SNX6: variants seen among roughly 807,000 people sequenced by gnomAD.
The protein encoded by SNX6 is sorting nexin-6.
A neutral mutation model predicts 63.0 loss-of-function variants in SNX6; 34 were observed. The ratio of observed to expected loss-of-function variants is 0.54; its 90% CI spans 0.41 to 0.72. The LOEUF is 0.72. Ranked by LOEUF, SNX6 falls within the 30% of genes least tolerant of loss-of-function variation. SNX6 has a pLI of 0.00. For synonymous variants in SNX6, 170 were observed against 164.2 expected (o/e 1.04, Z -0.27); for missense variants, 398 against 471.4 (o/e 0.84, Z 1.44).
At chr14:34,593,862 C>A (rs1594722603) in intron 7 of SNX6, among the ~76,000 whole-genome samples, 1 of 151,404 alleles carries the variant, frequency 6.6e-6, no homozygotes, top group Non-Finnish European at 1.5e-5. Context: ...ACAGATGTGA[C>A]CCACCACGCC....
At chr14:34,601,751 T>C (rs1432055279) in intron 6 of SNX6, among the ~76,000 whole-genome samples, 2 of 150,942 alleles carry the variant, frequency 1.3e-5, no homozygotes, top group African/African-American at 4.9e-5. Context: ...CCCACCACCA[T>C]GCCCAGATAA....
chr14:34,598,526 G>A (rs1198785211), intron 6 of SNX6, among the ~76,000 whole-genome samples: 1 of 152,132 alleles, frequency 6.6e-6, no homozygotes, highest in African/African-American at 2.4e-5. Flanking sequence ...CGAGTAGCTG[G>A]GACCACAGGC....
chr14:34,616,695 A>C (rs1346388223), intron 2 of SNX6, among the ~76,000 whole-genome samples: 23 of 152,082 alleles, frequency 1.5e-4, no homozygotes, highest in Admixed American at 1.5e-3. Flanking sequence ...GTCCAGGCAG[A>C]TTTTCTTCTC....
chr14:34,581,580 T>C lies in SNX6; in HGVS notation c.815A>G (p.Glu272Gly). Residue 272 changes from glutamate (E) to glycine (G), a missense_variant, in exon 10 of 14, where the codon GAA (glutamate) becomes GGA (glycine). Glu to Gly is a moderately conservative substitution (Grantham distance 98). Transcript: ENST00000362031. Reference sequence around the variant, plus strand: ...ACTTACTCTTGTTTTATCGAACAGTTCTGAAACTTTGAGAAAAAACCTGGA... The same window carrying C: ...ACTTACTCTTGTTTTATCGAACAGTCCTGAAACTTTGAGAAAAAACCTGGA... ...DICKFFLKVS[E>G]LFDKTRKIEA... The C allele has an allele frequency of 6.8e-7, 1 of 1,476,344 alleles. No homozygotes were observed. The highest frequency in any genetic ancestry group is 9.4e-7 in the Non-Finnish European group (1 of 1,060,100). 91.5% of individuals were successfully genotyped at this position (1,476,344 alleles called of 1,614,324 possible).
chr14:34,600,967 G>A (rs1018230309), intron 6 of SNX6, among the ~76,000 whole-genome samples: 2 of 151,044 alleles, frequency 1.3e-5, no homozygotes, highest in African/African-American at 2.4e-5. Flanking sequence ...GTACTGAGTC[G>A]ATACAGTGCC....
Position 34,582,170 on chromosome 14 carries a change from TG to T in SNX6, c.795-571del, listed in dbSNP as rs1428596476. 4.0e-5 allele frequency among the ~76,000 whole-genome samples: 6 copies of T among 150,082 alleles called. No individual in the cohort carries two copies. The South Asian group carries it at 1.3e-3, about 32-fold the overall frequency. ...TTTTTGAGTCAGAGTCTGGCTCTGT[TG>T]CACAGGCCAGAGTGCAGCGGTGCAA... On this transcript the variant is annotated intron_variant, in intron 9 of 13. Transcript: ENST00000362031.
chr14:34,623,832 C>T (rs1162507459), intron 2 of SNX6, among the ~76,000 whole-genome samples: 2 of 152,122 alleles, frequency 1.3e-5, no homozygotes, highest in Non-Finnish European at 2.9e-5. Flanking sequence ...TTCTTGAAAA[C>T]AATAAACATA....
intron 8 of SNX6, among the ~76,000 whole-genome samples, chr14:34,591,094 C>T (rs1359334754): frequency 6.6e-6 from 1 of 151,978 alleles, no homozygotes; most frequent in East Asian, 1.9e-4. Context: ...TTCAAAGGGC[C>T]ACAAGAAAAC....
intron 13 of SNX6, 26 bp from the exon 14 acceptor site, chr14:34,563,201 A>G (rs1484722697): frequency 6.3e-7 from 1 of 1,598,024 alleles, no homozygotes; most frequent in South Asian, 1.1e-5. Flanking sequence ...AAAATAAATT[A>G]CAAATTTTAT....
chr14:34,565,170 C>A (rs1010944065), intron 13 of SNX6, among the ~76,000 whole-genome samples: 1 of 151,312 alleles, frequency 6.6e-6, no homozygotes, highest in African/African-American at 2.4e-5. Context: ...CTCTGTCTCC[C>A]GGGTTCACGC....
chr14:34,601,775 A>T (rs1437624301), intron 6 of SNX6, among the ~76,000 whole-genome samples: 1 of 150,550 alleles, frequency 6.6e-6, no homozygotes, highest in Non-Finnish European at 1.5e-5. Context: ...TTGTATTTTT[A>T]GTACAGATGG....
At chr14:34,621,454 A>C (rs1883617047) in intron 2 of SNX6, among the ~76,000 whole-genome samples, 1 of 152,166 alleles carries the variant, frequency 6.6e-6, no homozygotes, top group Admixed American at 6.6e-5. Context: ...CAAGTTACCA[A>C]CTAGACATAG....
intron 2 of SNX6, among the ~76,000 whole-genome samples, chr14:34,613,471 A>G (rs145638194): frequency 2.0e-5 from 3 of 152,278 alleles, no homozygotes; most frequent in African/African-American, 7.2e-5. Flanking sequence ...AACACACCTA[A>G]TAAGAATCAA....
intron 2 of SNX6, among the ~76,000 whole-genome samples, chr14:34,613,257 T>G (rs1214471197): frequency 7.9e-5 from 12 of 152,214 alleles, no homozygotes; most frequent in African/African-American, 2.9e-4. Context: ...CTGACTTCTC[T>G]GACTTCAGCT....
chr14:34,628,192 G>A (rs112458210), intron 2 of SNX6, among the ~76,000 whole-genome samples: 23 of 152,024 alleles, frequency 1.5e-4, no homozygotes, highest in African/African-American at 4.8e-4. Flanking sequence ...GGGCGTGGTG[G>A]CTCACGCCTA....
rs569935669 is a variant in SNX6, at chr14:34,567,284, C to T, written c.1167+402G>A. Among the ~76,000 whole-genome samples, 4 of 151,826 alleles carry T rather than the reference C, an allele frequency of 2.6e-5. 1 individual carries two copies. The highest frequency in any genetic ancestry group is 9.7e-5 in the African/African-American group (4 of 41,382). On this transcript the variant is annotated intron_variant, in intron 13 of 13. Coordinates refer to ENST00000362031, the MANE Select transcript of SNX6 (RefSeq NM_152233.4). ...GGAGGATCATTTGAGGACGGGATTT[C>T]GAGATAAGCCTGACCAACATGGTGA...
intron 10 of SNX6, among the ~76,000 whole-genome samples, chr14:34,576,859 G>A (rs1448960262): frequency 2.0e-5 from 3 of 151,058 alleles, no homozygotes; most frequent in African/African-American, 4.9e-5. Flanking sequence ...CGAGGCGGGC[G>A]GATCATGAGG....
chr14:34,590,358 G>A (rs932513787), intron 8 of SNX6, among the ~76,000 whole-genome samples: 33 of 151,480 alleles, frequency 2.2e-4, no homozygotes, highest in Admixed American at 2.6e-4. Context: ...AACCCAGGAG[G>A]TGGAGCTTGC....
chr14:34,564,633 G>A (rs113369802), intron 13 of SNX6, among the ~76,000 whole-genome samples: 4,569 of 151,970 alleles, frequency 0.03, 74 homozygotes, highest in Middle Eastern at 0.061. Context: ...TTTGAGACCC[G>A]CCTGGCCAAC....
Sources: allele counts gnomAD v4.1 joint callset (sites outside exome capture counted in the v4.1 genomes callset), GRCh38; gene constraint gnomAD v4.1.1; transcripts MANE v1.5; gene names NCBI Gene and HGNC (gene_info 2026-07-23, HGNC 2026-07-21).